Variants in PADI3 observed in about 807,000 individuals in gnomAD.
PADI3 encodes the protein protein-arginine deiminase type-3.
Under a neutral mutation model 71.5 loss-of-function variants are expected in PADI3, and 53 were observed. The observed-to-expected ratio is 0.74, with a 90% CI of 0.59 to 0.93. The LOEUF is 0.93. Ranked by LOEUF, PADI3 falls within the 40% of genes least tolerant of loss-of-function variation. PADI3 has a pLI of 0.00. For synonymous variants in PADI3, 361 were observed against 347.5 expected, an observed-to-expected ratio of 1.04 and a Z score of -0.43; for missense variants, 821 against 868.0, an observed-to-expected ratio of 0.95 and a Z score of 0.68.
Position 17,269,748 on chromosome 1 carries a change from G to A in PADI3, c.653-485G>A, listed in dbSNP as rs375672996. Among the ~76,000 whole-genome samples the A allele has an allele frequency of 1.2e-4, 19 of 152,160 alleles. No individual in the cohort carries two copies. The East Asian group carries it at 3.1e-3, about 25-fold the overall frequency. On this transcript the variant is annotated intron_variant, in intron 6 of 15. Coordinates refer to ENST00000375460, the MANE Select transcript of PADI3 (RefSeq NM_016233.2). ...TCCTCCTGCCTAAGCCTCCTGAGTA[G>A]CTGGGATTATAGGTGTGCACCACCA...
Position 17,276,539 on chromosome 1 carries a change from C to T in PADI3, c.1328C>T (p.Thr443Ile), listed in dbSNP as rs149386251. Residue 443 changes from threonine (T) to isoleucine (I), a missense_variant, in exon 12 of 16, where the codon ACC becomes ATC. Physicochemically the swap from Thr to Ile is moderately conservative, Grantham distance 89 (BLOSUM62 -1). Transcript: ENST00000375460. ...CCCAGGTCAAGTGGCCGCAGGGTCA[C>T]CCAGGTGGTGCGGGACTTCCTCCAT... ...NLPGSSGRRVTQVVRDFLHAQ... is the reference protein window; with the variant it reads ...NLPGSSGRRVIQVVRDFLHAQ... 21 of 1,613,958 alleles carry T rather than the reference C, an allele frequency of 1.3e-5. No individual in the cohort carries two copies. Among genetic ancestry groups the T allele is most frequent in the Non-Finnish European group, 1.8e-5 (21 of 1,180,038 alleles).
At chr1:17,263,767 C>T (rs554392423) in intron 3 of PADI3, among the ~76,000 whole-genome samples, 1 of 152,128 alleles carries the variant, frequency 6.6e-6, no homozygotes, top group East Asian at 1.9e-4. Context: ...ATGAAGAACT[C>T]CAATCAATAA....
chr1:17,253,106 G>A (rs1394405647), intron 1 of PADI3, among the ~76,000 whole-genome samples: 1 of 152,230 alleles, frequency 6.6e-6, no homozygotes, highest in African/African-American at 2.4e-5. Context: ...TCAAACGAAG[G>A]ATCTCTGACT....
rs139813503 is a variant in PADI3 at position 17,274,671 on chromosome 1, G to T, written c.1192G>T (p.Asp398Tyr). 6.2e-7 allele frequency: 1 copy of T among 1,613,552 alleles called. No homozygotes were observed. The highest frequency in any genetic ancestry group is 8.5e-7 in the Non-Finnish European group (1 of 1,179,714). Reference sequence around the variant, plus strand: ...TGGTTACGTGACTCGGGAACCACGCGACAGGTCTGTGAGTGGCCTGGACTC... The same window carrying T: ...TGGTTACGTGACTCGGGAACCACGCTACAGGTCTGTGAGTGGCCTGGACTC... The part of the protein sequence containing the change: ...DFGYVTREPR[D>Y]RSVSGLDSFG... Residue 398 changes from aspartate to tyrosine, a missense_variant, in exon 11 of 16, where the codon GAC (aspartate) becomes TAC (tyrosine). By Grantham distance (160) the Asp-to-Tyr change is radical. Transcript: ENST00000375460.
chr1:17,259,561 C>T lies in PADI3; in HGVS notation c.93-17C>T. ...ATATCTCCTTCGGCACCGACCATGG[C>T]TCTCTGCCCTGCCCAGGTCAGTGCC... is the stretch of plus-strand genomic sequence containing the variant. On this transcript the variant is annotated splice_polypyrimidine_tract_variant and intron_variant, in intron 1 of 15. Transcript: ENST00000375460. The T allele has an allele frequency of 5.1e-6, 8 of 1,563,012 alleles. No individual in the cohort carries two copies. The highest frequency in any genetic ancestry group is 7.0e-6 in the Non-Finnish European group (8 of 1,151,058).
rs1358406088 is a variant in PADI3 at position 17,265,383 on chromosome 1, A to AGAACTTCTTC, written c.347-276_347-275insGAACTTCTTC. On this transcript the variant is annotated intron_variant, in intron 3 of 15. Coordinates refer to ENST00000375460, the MANE Select transcript of PADI3 (RefSeq NM_016233.2). ...TGGAGACCTGGGCTCAGTTCAGGGCATGCCTGGGACTGCAAGGGCTGCAGG... is the reference window on the plus strand; with the variant it reads ...TGGAGACCTGGGCTCAGTTCAGGGCAGAACTTCTTCTGCCTGGGACTGCAAGGGCTGCAGG... Among the ~76,000 whole-genome samples, 682 of 152,270 alleles carry AGAACTTCTTC rather than the reference A, an allele frequency of 4.5e-3. 6 individuals are homozygous for AGAACTTCTTC. Among genetic ancestry groups the AGAACTTCTTC allele is most frequent in the African/African-American group, 0.016 (653 of 41,544 alleles).
chr1:17,280,619 C>G (rs1314816960), intron 14 of PADI3, 52 bp from the exon 15 acceptor site: 1 of 1,612,400 alleles, frequency 6.2e-7, no homozygotes, highest in Non-Finnish European at 8.5e-7. Context: ...CCTTGGTGCC[C>G]CCAAAACACA....
intron 15 of PADI3, among the ~76,000 whole-genome samples, chr1:17,281,450 C>CTTTTTTT (rs71014927): frequency 7.0e-6 from 1 of 141,992 alleles, no homozygotes; most frequent in African/African-American, 2.6e-5. Flanking sequence ...TTCTTTTTTT[C>CTTTTTTT]TTTTTTTTTT....
intron 1 of PADI3, among the ~76,000 whole-genome samples, chr1:17,253,686 G>A (rs1367587448): frequency 3.3e-5 from 5 of 152,206 alleles, no homozygotes; most frequent in Admixed American, 1.3e-4. Flanking sequence ...TTCAGGATCC[G>A]CTGGGGATGA....
At position 17,274,706 on chromosome 1, in the gene PADI3, C is replaced by G. The variant is rs778186456; in HGVS notation, c.1227C>G (p.Asn409Lys). The change falls in exon 11 of 16, where the codon AAC becomes AAG. Residue 409 changes from asparagine to lysine, a missense_variant. Physicochemically the swap from Asn to Lys is moderately conservative, Grantham distance 94. Coordinates refer to ENST00000375460, the MANE Select transcript of PADI3 (RefSeq NM_016233.2). ...TGAGTGGCCTGGACTCCTTTGGGAA[C>G]CTGGAGGTCAGCCCTCCAGTGGTGG... is the stretch of plus-strand genomic sequence containing the variant. ...RSVSGLDSFG[N>K]LEVSPPVVAN... 1.2e-6 allele frequency: 2 copies of G among 1,613,790 alleles called. No homozygotes were observed. Among genetic ancestry groups the G allele is most frequent in the Non-Finnish European group, 1.7e-6 (2 of 1,179,766 alleles).
chr1:17,283,404 G>A lies in PADI3; in HGVS notation c.*325G>A, dbSNP rs2073426048. On this transcript the variant is annotated 3_prime_UTR_variant, in exon 16 of 16. Transcript: ENST00000375460. ...CATTTGGGGACAAATCCACATTGGGGTCTAGAAACATCCACGTATCTCATC... is the reference window on the plus strand; with the variant it reads ...CATTTGGGGACAAATCCACATTGGGATCTAGAAACATCCACGTATCTCATC... The A allele has an allele frequency of 1.0e-5, 3 of 293,324 alleles. No homozygotes were observed. The South Asian group carries it at 1.4e-4, about 14-fold the overall frequency. 18.2% of individuals were successfully genotyped at this position (293,324 alleles called of 1,614,324 possible). A position where few individuals can be genotyped will look rare whatever the true frequency, so the allele number is the denominator to read the frequency against.
At chr1:17,275,050 G>T (rs1185308731) in intron 11 of PADI3, among the ~76,000 whole-genome samples, 1 of 152,084 alleles carries the variant, frequency 6.6e-6, no homozygotes, top group Non-Finnish European at 1.5e-5. Flanking sequence ...CCCAGAGAGG[G>T]TAAGTGAGTC....
intron 11 of PADI3, among the ~76,000 whole-genome samples, chr1:17,275,670 G>A (rs2073320976): frequency 1.3e-5 from 2 of 152,178 alleles, no homozygotes; most frequent in Non-Finnish European, 2.9e-5. Flanking sequence ...GGGTGCTGAT[G>A]GAAAAGGAAT....
intron 4 of PADI3, 120 bp downstream of exon 4, chr1:17,265,840 AG>A (rs1395125579): frequency 3.6e-6 from 3 of 834,756 alleles, no homozygotes; most frequent in Non-Finnish European, 2.0e-6. Context: ...GCCGAGACCA[AG>A]GGCCAAAAAC....
At position 17,280,441 on chromosome 1, in the gene PADI3, G is replaced by C; in HGVS notation, c.1635+12G>C. On this transcript the variant is annotated intron_variant, in intron 14 of 15. Coordinates refer to ENST00000375460, the MANE Select transcript of PADI3 (RefSeq NM_016233.2). Reference sequence around the variant, plus strand: ...ATAAGTTTGTGCAGGTACAAGGGCTGTGGTGTACCTGTGGGCTGTGATTTG... The same window carrying C: ...ATAAGTTTGTGCAGGTACAAGGGCTCTGGTGTACCTGTGGGCTGTGATTTG... 6.2e-7 allele frequency: 1 copy of C among 1,605,750 alleles called. No individual in the cohort carries two copies. The highest frequency in any genetic ancestry group is 1.1e-5 in the South Asian group (1 of 90,914).
rs1244066238 is a variant in PADI3 at position 17,281,561 on chromosome 1, C to T, written c.1761+765C>T. ...CAGGGTTCAAGCGATTCTCCTGCCT[C>T]AGCCTCCTGAGTAGCTGGGATTGTG... On this transcript the variant is annotated intron_variant, in intron 15 of 15. Transcript: ENST00000375460. 2.0e-5 allele frequency among the ~76,000 whole-genome samples: 3 copies of T among 151,856 alleles called. 1 individual carries two copies. Among genetic ancestry groups the T allele is most frequent in the African/African-American group, 7.3e-5 (3 of 41,302 alleles).
At chr1:17,263,568 C>T (rs2073128305) in intron 3 of PADI3, among the ~76,000 whole-genome samples, 1 of 151,874 alleles carries the variant, frequency 6.6e-6, no homozygotes, top group South Asian at 2.1e-4. Context: ...TATCTTTGTA[C>T]CCTCAAAATA....
At chr1:17,257,760 G>T (rs1392263581) in intron 1 of PADI3, among the ~76,000 whole-genome samples, 4 of 152,184 alleles carry the variant, frequency 2.6e-5, no homozygotes, top group Admixed American at 6.5e-5. Context: ...GATGGGAAGC[G>T]GGGGGAGTGG....
intron 1 of PADI3, among the ~76,000 whole-genome samples, chr1:17,251,714 G>T (rs946460090): frequency 6.6e-6 from 1 of 152,202 alleles, no homozygotes; most frequent in East Asian, 1.9e-4. Context: ...CATTGAATGA[G>T]ATTGTGTGTG....
Sources: allele counts gnomAD v4.1 joint callset (sites outside exome capture counted in the v4.1 genomes callset), GRCh38; gene constraint gnomAD v4.1.1; transcripts MANE v1.5; gene names NCBI Gene and HGNC (gene_info 2026-07-23, HGNC 2026-07-21).